Variants in ERC1 observed in about 807,000 individuals in gnomAD.
ERC1 encodes ELKS/RAB6-interacting/CAST family member 1, also known as RAB6 interacting protein 2.
In ERC1, 56 loss-of-function variants were observed where a neutral mutation model predicts 132.0. The observed-to-expected ratio is 0.42, with a 90% CI of 0.34 to 0.53. The LOEUF (loss-of-function observed/expected upper bound fraction) is 0.53, where lower values mean the gene tolerates loss of function less well. ERC1 is among the 20% of genes least tolerant of loss of function. The pLI is 0.03. For synonymous variants in ERC1, 478 were observed against 476.1 expected (o/e 1.00, Z -0.05); for missense variants, 1,202 against 1,349.9 (o/e 0.89, Z 1.72).
intron 12 of ERC1, among the ~76,000 whole-genome samples, chr12:1,195,968 C>T (rs1270118821): frequency 2.1e-5 from 3 of 142,980 alleles, no homozygotes; most frequent in Non-Finnish European, 4.5e-5. Context: ...CTGCTGAAAG[C>T]TGGGACAACA....
intron 18 of ERC1, among the ~76,000 whole-genome samples, chr12:1,472,452 C>G (rs2093881706): frequency 6.6e-6 from 1 of 152,066 alleles, no homozygotes; most frequent in South Asian, 2.1e-4. Context: ...AGTTCAAGAC[C>G]AGTCTGGGCA....
chr12:1,224,542 A>G (rs1056601765), intron 12 of ERC1, among the ~76,000 whole-genome samples: 2 of 152,222 alleles, frequency 1.3e-5, no homozygotes, highest in Non-Finnish European at 2.9e-5. Flanking sequence ...ATACTGTACT[A>G]CTTTGTATAT....
chr12:1,472,114 G>A (rs913462526), intron 18 of ERC1, among the ~76,000 whole-genome samples: 21 of 152,202 alleles, frequency 1.4e-4, no homozygotes, highest in Non-Finnish European at 1.3e-4. Flanking sequence ...TTCCATTGTT[G>A]GGTATTTGCC....
At position 1,493,548 on chromosome 12, in the gene ERC1, A is replaced by AAAAAAATATATATATATATAT. The variant is rs56939346; in HGVS notation, c.*3319_*3320insAAAAATATATATATATATATA. On this transcript the variant is annotated 3_prime_UTR_variant, in exon 19 of 19. Coordinates refer to ENST00000360905, the MANE Select transcript of ERC1 (RefSeq NM_178040.4). ...ACTCCATTTAAAAAAAAAAAAAAAA[A>AAAAAAATATATATATATATAT]ATATATATATATATATATATATATA... 2.9e-4 allele frequency: 4 copies of AAAAAAATATATATATATATAT among 13,620 alleles called. No individual in the cohort carries two copies. Among genetic ancestry groups the AAAAAAATATATATATATATAT allele is most frequent in the Admixed American group, 1.0e-3 (1 of 974 alleles). The allele number at this position is 13,620 out of a possible 1,614,324, so 0.8% of individuals were successfully genotyped here.
chr12:1,071,433 G>A lies in ERC1; in HGVS notation c.670-11731G>A, dbSNP rs996174989. Among the ~76,000 whole-genome samples the A allele has an allele frequency of 3.9e-5, 6 of 151,964 alleles. No individual in the cohort carries two copies. The East Asian group carries it at 9.7e-4, about 24-fold the overall frequency. On this transcript the variant is annotated intron_variant, in intron 2 of 18. Coordinates refer to ENST00000360905, the MANE Select transcript of ERC1 (RefSeq NM_178040.4). ...TACTAAAGATACTAGTCACTTTTTCGTTTGCTTATTGGTTAGTTAGTTCAA... is the reference window on the plus strand; with the variant it reads ...TACTAAAGATACTAGTCACTTTTTCATTTGCTTATTGGTTAGTTAGTTCAA...
At chr12:1,129,328 CT>C (rs1429614368) in intron 7 of ERC1, among the ~76,000 whole-genome samples, 15 of 2,576 alleles carry the variant, frequency 5.8e-3, no homozygotes, top group Non-Finnish European at 0.058. Flanking sequence ...AACAACAAAA[CT>C]AACAACAACA....
At chr12:1,163,923 C>T (rs1952110597) in intron 8 of ERC1, among the ~76,000 whole-genome samples, 2 of 152,248 alleles carry the variant, frequency 1.3e-5, no homozygotes, top group Middle Eastern at 3.4e-3. Flanking sequence ...GCCATGTTGG[C>T]CAGGCTAGTC....
chr12:1,477,766 G>A (rs903569667), intron 18 of ERC1, among the ~76,000 whole-genome samples: 1 of 152,144 alleles, frequency 6.6e-6, no homozygotes, highest in Non-Finnish European at 1.5e-5. Flanking sequence ...CCTCCTTCCA[G>A]TCACTCCTCA....
At chr12:1,181,844 T>TG in intron 9 of ERC1, 81 bp from the exon 10 acceptor site, 1 of 1,428,990 alleles carries the variant, frequency 7.0e-7, no homozygotes, top group Non-Finnish European at 9.4e-7. Context: ...TATAGAAGTT[T>TG]GAAATTCTGC....
chr12:1,296,008 C>CAGAA (rs2079892695), intron 15 of ERC1, among the ~76,000 whole-genome samples: 1 of 50,054 alleles, frequency 2.0e-5, no homozygotes, highest in South Asian at 6.7e-4. Context: ...TTTGGTTTAA[C>CAGAA]AGAAAAAAAA....
At chr12:1,263,197 T>C (rs1189991043) in intron 14 of ERC1, 32 bp downstream of exon 14, 2 of 1,610,272 alleles carry the variant, frequency 1.2e-6, no homozygotes, top group African/African-American at 1.3e-5. Context: ...CAAGCAATGC[T>C]GCTGGTTAAC....
intron 15 of ERC1, among the ~76,000 whole-genome samples, chr12:1,346,887 A>G (rs943624393): frequency 2.0e-5 from 3 of 146,886 alleles, no homozygotes; most frequent in Admixed American, 6.9e-5. Context: ...GCTTGCAGTG[A>G]GCCGAGATTG....
At chr12:1,333,578 A>G (rs576676113) in intron 15 of ERC1, among the ~76,000 whole-genome samples, 10 of 151,860 alleles carry the variant, frequency 6.6e-5, no homozygotes, top group South Asian at 2.1e-4. Flanking sequence ...TGATCCACCC[A>G]TCTCAGCCTC....
chr12:1,263,239 G>C, intron 14 of ERC1, 74 bp downstream of exon 14: 8 of 1,433,568 alleles, frequency 5.6e-6, no homozygotes, highest in Non-Finnish European at 6.8e-6. Context: ...TATAGTTTAG[G>C]TAAACTATAC....
chr12:1,149,650 C>T (rs1322157673), intron 8 of ERC1, among the ~76,000 whole-genome samples: 2 of 152,174 alleles, frequency 1.3e-5, no homozygotes, highest in Non-Finnish European at 2.9e-5. Context: ...CTGCCCACCT[C>T]GGCCTCCCAA....
At chr12:1,445,508 G>A (rs144895168) in intron 18 of ERC1, among the ~76,000 whole-genome samples, 13 of 152,228 alleles carry the variant, frequency 8.5e-5, no homozygotes, top group African/African-American at 2.9e-4. Flanking sequence ...TGGGATTACA[G>A]GCGTGATTCA....
intron 1 of ERC1, among the ~76,000 whole-genome samples, chr12:1,008,471 C>T (rs1964112623): frequency 6.6e-6 from 1 of 151,942 alleles, no homozygotes; most frequent in Admixed American, 6.6e-5. Flanking sequence ...GAGACAGGCT[C>T]TTGCTATGTT....
At chr12:1,126,559 ATAACT>A (rs1247260271) in intron 7 of ERC1, among the ~76,000 whole-genome samples, 4 of 152,260 alleles carry the variant, frequency 2.6e-5, no homozygotes, top group Non-Finnish European at 4.4e-5. Flanking sequence ...ATTGGGTAAG[ATAACT>A]TAAATGTCTC....
intron 16 of ERC1, among the ~76,000 whole-genome samples, chr12:1,391,938 G>T: frequency 6.6e-6 from 1 of 152,246 alleles, no homozygotes; most frequent in Non-Finnish European, 1.5e-5. Flanking sequence ...CTCCTGACTG[G>T]TCTGCCTTCT....
Sources: allele counts gnomAD v4.1 joint callset (sites outside exome capture counted in the v4.1 genomes callset), GRCh38; gene constraint gnomAD v4.1.1; transcripts MANE v1.5; gene names NCBI Gene and HGNC (gene_info 2026-07-23, HGNC 2026-07-21).